The following PCDHGA5 variants were observed in gnomAD, a reference collection of about 807,000 sequenced individuals.
The protein encoded by PCDHGA5 is protocadherin gamma-A5.
Under a neutral mutation model 56.7 loss-of-function variants are expected in PCDHGA5, and 36 were observed. That is an observed-to-expected ratio of 0.64 (90% CI 0.49 to 0.84). PCDHGA5 has a LOEUF of 0.84. Among genes scored for constraint, PCDHGA5 ranks in the 40% least tolerant of loss-of-function variants. PCDHGA5 has a pLI of 0.00. For missense variants in PCDHGA5, 1,305 were observed against 1,201.5 expected (o/e 1.09, Z -1.27); for synonymous variants, 563 against 520.2 (o/e 1.08, Z -1.12).
chr5:141,385,276 A>T (rs1315773619), intron 1 of PCDHGA5: 3 of 1,613,446 alleles, frequency 1.9e-6, no homozygotes, highest in Non-Finnish European at 2.5e-6. Context: ...TTCTTTGCTA[A>T]CATCCGTAGA....
chr5:141,408,506 T>C, intron 1 of PCDHGA5: 2 of 1,614,010 alleles, frequency 1.2e-6, no homozygotes, highest in Non-Finnish European at 1.7e-6. Flanking sequence ...GAGAAGAAGA[T>C]GTGAGTTGCA....
At chr5:141,445,808 T>A (rs1004030960) in intron 1 of PCDHGA5, among the ~76,000 whole-genome samples, 1 of 152,182 alleles carries the variant, frequency 6.6e-6, no homozygotes, top group Non-Finnish European at 1.5e-5. Flanking sequence ...AATAAATAGA[T>A]GAAACTAATA....
In PCDHGA5 at chr5:141,476,089, C is replaced by A; in HGVS notation, c.2422-18718C>A. 1 of 1,560,716 alleles carries A rather than the reference C, an allele frequency of 6.4e-7. No individual in the cohort carries two copies. The highest frequency in any genetic ancestry group is 8.6e-7 in the Non-Finnish European group (1 of 1,158,372). On this transcript the variant is annotated intron_variant, in intron 1 of 3. Coordinates refer to ENST00000518069, the MANE Select transcript of PCDHGA5 (RefSeq NM_018918.3). This position sits in a 1 kb window ranked among gnomAD's most constrained non-coding sequence, Gnocchi z 7.6. ...CGAAATCTCAGGGACGATCTGGACC[C>A]CGCTGAGAGGAACTGCTTTTGAGTG...
chr5:141,403,487 T>C, intron 1 of PCDHGA5: 1 of 1,613,930 alleles, frequency 6.2e-7, no homozygotes. Flanking sequence ...TCACCACTTC[T>C]CCCTGAACGT....
rs188874944 is a variant in PCDHGA5, at chr5:141,446,708, C to T, written c.2422-48099C>T. Among the ~76,000 whole-genome samples, 183 of 152,314 alleles carry T rather than the reference C, an allele frequency of 1.2e-3. 1 individual carries two copies. The highest frequency in any genetic ancestry group is 2.1e-3 in the Admixed American group (32 of 15,302). On this transcript the variant is annotated intron_variant, in intron 1 of 3. Coordinates refer to ENST00000518069, the MANE Select transcript of PCDHGA5 (RefSeq NM_018918.3). ...GGCCAGGCTGGTCTCGAACTCTGAT[C>T]TGCCCGCCTCGGCCTCCCAAAGTGT...
chr5:141,415,759 T>TG (rs2095937522), intron 1 of PCDHGA5: 3 of 1,352,056 alleles, frequency 2.2e-6, no homozygotes, highest in Non-Finnish European at 2.9e-6. Flanking sequence ...TTTTTTTTTT[T>TG]TTTTTTTTTT....
At chr5:141,421,489 G>A in intron 1 of PCDHGA5, 1 of 1,614,094 alleles carries the variant, frequency 6.2e-7, no homozygotes, top group Non-Finnish European at 8.5e-7. Flanking sequence ...CTTGATCACG[G>A]CAGGCAGGAT....
chr5:141,410,852 T>A, intron 1 of PCDHGA5: 1 of 284,264 alleles, frequency 3.5e-6, no homozygotes. Context: ...TCTTTGTCTT[T>A]TTTTTTTTTT....
chr5:141,435,642 T>C lies in PCDHGA5; in HGVS notation c.2422-59165T>C, dbSNP rs1326178929. On this transcript the variant is annotated intron_variant, in intron 1 of 3. Coordinates refer to ENST00000518069, the MANE Select transcript of PCDHGA5 (RefSeq NM_018918.3). ...CATAACTTTTACAACTATGGGAAAA[T>C]TTCTGAAACGTGCACAGATTCCAAG... Among the ~76,000 whole-genome samples the C allele has an allele frequency of 2.0e-5, 3 of 152,156 alleles. No individual in the cohort carries two copies. The East Asian group carries it at 5.8e-4, about 29-fold the overall frequency.
intron 1 of PCDHGA5, chr5:141,393,025 G>A (rs1307917992): frequency 6.2e-7 from 1 of 1,613,864 alleles, no homozygotes; most frequent in Non-Finnish European, 8.5e-7. Flanking sequence ...TCCAGAGGTA[G>A]GACGCAGCTC....
At chr5:141,509,845 C>G (rs1021433327) in intron 3 of PCDHGA5, among the ~76,000 whole-genome samples, 1 of 152,190 alleles carries the variant, frequency 6.6e-6, no homozygotes, top group African/African-American at 2.4e-5. Context: ...CCCATTCACT[C>G]AGAACAGGGA....
At chr5:141,465,922 T>A (rs7704812) in intron 1 of PCDHGA5, among the ~76,000 whole-genome samples, 42,795 of 151,826 alleles carry the variant, frequency 0.28, 6,697 homozygotes, top group African/African-American at 0.42. Flanking sequence ...GGATTTCGAG[T>A]CCATCCTGGC....
In PCDHGA5 at chr5:141,409,573, C is replaced by A. The variant is rs562811168; in HGVS notation, c.2421+42822C>A. 7 of 1,613,816 alleles carry A rather than the reference C, an allele frequency of 4.3e-6. No individual in the cohort carries two copies. In the Admixed American group the frequency reaches 1.2e-4, roughly 27 times the overall value. ...CCCCAGTTTTCGACCAGACGTCCTA[C>A]GTGGTCCACGTGGCCGAGAACAACC... On this transcript the variant is annotated intron_variant, in intron 1 of 3. Transcript: ENST00000518069.
At position 141,432,195 on chromosome 5, in the gene PCDHGA5, C is replaced by G; in HGVS notation, c.2422-62612C>G. 1 of 1,614,206 alleles carries G rather than the reference C, an allele frequency of 6.2e-7. No individual in the cohort carries two copies. The highest frequency in any genetic ancestry group is 8.5e-7 in the Non-Finnish European group (1 of 1,180,050). On this transcript the variant is annotated intron_variant, in intron 1 of 3. Transcript: ENST00000518069. The surrounding 1 kb of genome is among the most constrained non-coding windows in gnomAD (Gnocchi z 6.0). ...CTCGTCTCTGTGACCGCCCACGACC[C>G]CGACTGTGAAGAGAACGCCCAGATC...
At chr5:141,371,584 A>T in intron 1 of PCDHGA5, 2 of 1,613,962 alleles carry the variant, frequency 1.2e-6, no homozygotes, top group Non-Finnish European at 1.7e-6. Flanking sequence ...ATCGTTCAAG[A>T]TACCAAAAAC....
rs545232987 is a variant in PCDHGA5 at position 141,484,750 on chromosome 5, G to GTA, written c.2422-10043_2422-10042dup. 2.3e-3 allele frequency among the ~76,000 whole-genome samples: 340 copies of GTA among 149,860 alleles called. 1 individual carries two copies. Among genetic ancestry groups the GTA allele is most frequent in the South Asian group, 1.0e-2 (47 of 4,704 alleles). On this transcript the variant is annotated intron_variant, in intron 1 of 3. Coordinates refer to ENST00000518069, the MANE Select transcript of PCDHGA5 (RefSeq NM_018918.3). ...CAGTCGGTGTGTTAGGAAAAAAAAT[G>GTA]TATATATATATATATGTTGTCTGCC...
chr5:141,389,074 G>C (rs1561622860), intron 1 of PCDHGA5: 11 of 1,614,030 alleles, frequency 6.8e-6, no homozygotes, highest in Non-Finnish European at 9.3e-6. Context: ...ACTTCTTCAA[G>C]AAACACGTAT....
In PCDHGA5 at chr5:141,370,457, G is replaced by T. The variant is rs774974710; in HGVS notation, c.2421+3706G>T. 2.5e-6 allele frequency: 4 copies of T among 1,611,872 alleles called. No homozygotes were observed. In the South Asian group the frequency reaches 4.4e-5, roughly 18 times the overall value. ...AGAGGCGAATGCTATTTCTCTTCCT[G>T]CTCTCTTTGTTAGACCAGGCTCTCT... On this transcript the variant is annotated intron_variant, in intron 1 of 3. Transcript: ENST00000518069.
chr5:141,419,981 A>C, intron 1 of PCDHGA5: 2 of 1,614,052 alleles, frequency 1.2e-6, no homozygotes, highest in Non-Finnish European at 1.7e-6. Context: ...CCTCGCGGTG[A>C]TTCTAGCTAT....
Sources: gnomAD v4.1 joint callset for allele counts (sites outside exome capture counted in the v4.1 genomes callset) on GRCh38, gnomAD v4.1.1 for gene constraint, Gnocchi (gnomAD v3.1) non-coding constraint, MANE v1.5 for transcripts, NCBI Gene and HGNC (gene_info 2026-07-23, HGNC 2026-07-21) for gene names.